Variants in EPHA6 observed in about 807,000 individuals in gnomAD.
EPHA6 encodes ephrin type-A receptor 6.
Under a neutral mutation model 112.0 loss-of-function variants are expected in EPHA6, and 50 were observed. The ratio of observed to expected loss-of-function variants is 0.45; its 90% CI spans 0.36 to 0.56. EPHA6 has a LOEUF of 0.56. EPHA6 is among the 20% of genes least tolerant of loss of function. The probability of loss-of-function intolerance (pLI) is 0.00; values close to 1 mark genes in which losing one functional copy is unlikely to be tolerated. For synonymous variants in EPHA6, 529 were observed against 490.7 expected, an observed-to-expected ratio of 1.08 and a Z score of -1.03; for missense variants, 1,280 against 1,417.4, an observed-to-expected ratio of 0.90 and a Z score of 1.56.
intron 5 of EPHA6, among the ~76,000 whole-genome samples, chr3:97,376,545 T>G (rs747577936): frequency 9.2e-5 from 14 of 152,218 alleles, no homozygotes; most frequent in Non-Finnish European, 1.3e-4. Flanking sequence ...AGAGATGGAT[T>G]GAGTAATCTT....
At chr3:97,207,470 G>A (rs2077744354) in intron 3 of EPHA6, among the ~76,000 whole-genome samples, 1 of 152,138 alleles carries the variant, frequency 6.6e-6, no homozygotes, top group Non-Finnish European at 1.5e-5. Context: ...CAGGAACAGA[G>A]AGGAGAGACA....
chr3:97,701,386 T>A (rs1684636), intron 14 of EPHA6, among the ~76,000 whole-genome samples: 1 of 151,868 alleles, frequency 6.6e-6, no homozygotes, highest in Admixed American at 6.6e-5. Flanking sequence ...GATCAGAGGG[T>A]TTTGGGGGCA....
intron 14 of EPHA6, among the ~76,000 whole-genome samples, chr3:97,687,943 C>T (rs1463549109): frequency 1.3e-5 from 2 of 152,142 alleles, no homozygotes; most frequent in African/African-American, 4.8e-5. Context: ...AATGCAAGCA[C>T]GTTAAAGCCC....
At chr3:97,121,874 A>G (rs1275422421) in intron 3 of EPHA6, among the ~76,000 whole-genome samples, 3 of 152,076 alleles carry the variant, frequency 2.0e-5, no homozygotes, top group African/African-American at 7.2e-5. Flanking sequence ...GAGGAACACC[A>G]AGTCACCAGC....
chr3:97,295,726 T>G (rs2080852220), intron 5 of EPHA6, among the ~76,000 whole-genome samples: 1 of 152,118 alleles, frequency 6.6e-6, no homozygotes, highest in African/African-American at 2.4e-5. Flanking sequence ...GAAGATGTGT[T>G]GATGGTATTG....
intron 3 of EPHA6, among the ~76,000 whole-genome samples, chr3:97,101,959 C>G (rs995596629): frequency 1.3e-5 from 2 of 152,036 alleles, no homozygotes; most frequent in African/African-American, 4.8e-5. Flanking sequence ...AAGGAAACAT[C>G]TCCCTGCTAG....
At chr3:97,133,811 G>A (rs2075699021) in intron 3 of EPHA6, among the ~76,000 whole-genome samples, 1 of 151,946 alleles carries the variant, frequency 6.6e-6, no homozygotes. Flanking sequence ...GATCAAAGAA[G>A]TCAAAAGTGT....
At chr3:97,142,061 A>G (rs928934502) in intron 3 of EPHA6, among the ~76,000 whole-genome samples, 1 of 151,962 alleles carries the variant, frequency 6.6e-6, no homozygotes, top group Non-Finnish European at 1.5e-5. Flanking sequence ...TAGTGGTGGT[A>G]TTTCCATTTA....
intron 10 of EPHA6, among the ~76,000 whole-genome samples, chr3:97,514,896 A>G (rs1242596173): frequency 6.6e-6 from 1 of 152,164 alleles, no homozygotes. Context: ...GCACTTCCCA[A>G]TCATCGGAAC....
At chr3:97,481,079 C>A in intron 9 of EPHA6, 2 of 469,134 alleles carry the variant, frequency 4.3e-6, no homozygotes, top group South Asian at 3.7e-5. Flanking sequence ...GGGGTGGCAG[C>A]GGGGCAGAGG....
intron 16 of EPHA6, among the ~76,000 whole-genome samples, chr3:97,741,245 C>T (rs989314349): frequency 1.3e-5 from 2 of 151,754 alleles, no homozygotes; most frequent in African/African-American, 2.4e-5. Context: ...CCCAGCTACT[C>T]GAGAGAGCAA....
chr3:96,915,753 G>A (rs556706297), intron 2 of EPHA6, among the ~76,000 whole-genome samples: 1 of 152,046 alleles, frequency 6.6e-6, no homozygotes, highest in Non-Finnish European at 1.5e-5. Context: ...TATAGAGATA[G>A]CACATACTTA....
chr3:96,865,600 T>G (rs946263179), intron 1 of EPHA6, among the ~76,000 whole-genome samples: 1 of 151,114 alleles, frequency 6.6e-6, no homozygotes, highest in African/African-American at 2.4e-5. Context: ...GGGGATCGCC[T>G]TGAGTCTAGG....
intron 3 of EPHA6, among the ~76,000 whole-genome samples, chr3:97,175,815 G>A (rs1384691583): frequency 1.3e-5 from 2 of 151,504 alleles, no homozygotes; most frequent in African/African-American, 4.8e-5. Flanking sequence ...TTTATATTAG[G>A]TTTTTCCAAA....
intron 14 of EPHA6, among the ~76,000 whole-genome samples, chr3:97,649,218 A>G (rs556176211): frequency 6.6e-5 from 10 of 152,244 alleles, no homozygotes; most frequent in Admixed American, 3.3e-4. Context: ...AAGGAAAGTC[A>G]CGTCTTACAT....
In EPHA6 at chr3:97,274,878, C is replaced by T. The variant is rs2080016849; in HGVS notation, c.1606+30591C>T. On this transcript the variant is annotated intron_variant, in intron 5 of 17. Transcript: ENST00000389672. The stretch of plus-strand genomic sequence containing the variant: ...GCCGGATTGAAGTCCAGGCCAGGAA[C>T]AATGGTAATTGTGGGAGACCCAACA... 2.6e-5 allele frequency among the ~76,000 whole-genome samples: 4 copies of T among 152,034 alleles called. No individual in the cohort carries two copies. The South Asian group carries it at 8.3e-4, about 32-fold the overall frequency.
chr3:96,872,183 A>G lies in EPHA6; in HGVS notation c.450+5294A>G, dbSNP rs563727432. On this transcript the variant is annotated intron_variant, in intron 2 of 17. Transcript: ENST00000389672. ...TGAAGATGGTCATGTTAAGTACCCAAACTTTCTCTTATAATCATTTGCAGT... is the reference window on the plus strand; with the variant it reads ...TGAAGATGGTCATGTTAAGTACCCAGACTTTCTCTTATAATCATTTGCAGT... Among the ~76,000 whole-genome samples, 37 of 152,184 alleles carry G rather than the reference A, an allele frequency of 2.4e-4. No individual in the cohort carries two copies. In the East Asian group the frequency reaches 3.7e-3, roughly 15 times the overall value.
intron 11 of EPHA6, among the ~76,000 whole-genome samples, chr3:97,551,757 CA>C (rs1390342664): frequency 1.3e-5 from 2 of 152,042 alleles, no homozygotes; most frequent in East Asian, 3.9e-4. Context: ...CCATTAGCTA[CA>C]GTTTCTGTGA....
intron 5 of EPHA6, among the ~76,000 whole-genome samples, chr3:97,270,240 C>T (rs1006730874): frequency 4.6e-5 from 7 of 152,092 alleles, no homozygotes; most frequent in South Asian, 2.1e-4. Flanking sequence ...AAAATCTTTA[C>T]CCCTACTGAC....
Sources: gnomAD v4.1 joint callset for allele counts (sites outside exome capture counted in the v4.1 genomes callset) on GRCh38, gnomAD v4.1.1 for gene constraint, MANE v1.5 for transcripts, NCBI Gene and HGNC (gene_info 2026-07-23, HGNC 2026-07-21) for gene names.